The following CAST variants were observed in gnomAD, a reference collection of about 807,000 sequenced individuals.
The protein encoded by CAST is MIR583 host.
A neutral mutation model predicts 119.6 loss-of-function variants in CAST; 76 were observed. The observed-to-expected ratio is 0.64, with a 90% CI of 0.53 to 0.77. CAST has a LOEUF of 0.77. Ranked by LOEUF, CAST falls within the 30% of genes least tolerant of loss-of-function variation. CAST has a pLI of 0.00. For synonymous variants in CAST, 319 were observed against 331.6 expected (o/e 0.96, Z 0.41); for missense variants, 953 against 946.5 (o/e 1.01, Z -0.09).
At chr5:96,761,143 A>G (rs1400710624) in intron 24 of CAST, 3 of 152,218 alleles carry the variant, frequency 2.0e-5, no homozygotes, top group Admixed American at 6.5e-5. Context: ...ATTAAATAAC[A>G]TATGCACATA....
At chr5:96,307,575 T>C in the CAST span, among the ~76,000 whole-genome samples, 1 of 152,232 alleles carries the variant, frequency 6.6e-6, no homozygotes, top group Non-Finnish European at 1.5e-5. Context: ...GGCATGTTTG[T>C]GCAGTGGCTG....
the CAST span, among the ~76,000 whole-genome samples, chr5:96,066,929 G>A: frequency 3.3e-5 from 5 of 151,936 alleles, no homozygotes; most frequent in African/African-American, 1.2e-4. Flanking sequence ...GCCTCCCAAA[G>A]TGCTGGAATT....
chr5:95,993,194 G>A, the CAST span, among the ~76,000 whole-genome samples: 1 of 152,154 alleles, frequency 6.6e-6, no homozygotes, highest in South Asian at 2.1e-4. Flanking sequence ...TCTAACAAAT[G>A]ACACTAGAAC....
chr5:95,978,873 G>A, the CAST span, among the ~76,000 whole-genome samples: 351 of 152,242 alleles, frequency 2.3e-3, 2 homozygotes, highest in South Asian at 0.028. Flanking sequence ...AATTAATTGG[G>A]CATTTAAAGT....
At chr5:96,652,127 G>A (rs1301120531) in intron 1 of CAST, among the ~76,000 whole-genome samples, 1 of 152,184 alleles carries the variant, frequency 6.6e-6, no homozygotes, top group African/African-American at 2.4e-5. Context: ...TTTCACCAGA[G>A]CAGATCTTCC....
At chr5:96,286,717 AAT>A in the CAST span, among the ~76,000 whole-genome samples, 1 of 152,170 alleles carries the variant, frequency 6.6e-6, no homozygotes, top group South Asian at 2.1e-4. Flanking sequence ...ACATTGAGAT[AAT>A]AAAACCTGAA....
chr5:96,640,230 G>A (rs1369882762), intron 1 of CAST, among the ~76,000 whole-genome samples: 3 of 152,218 alleles, frequency 2.0e-5, no homozygotes, highest in African/African-American at 7.2e-5. Context: ...CAGGGACCTT[G>A]TGGTGCTTCT....
At chr5:96,385,903 A>G in the CAST span, among the ~76,000 whole-genome samples, 1 of 152,316 alleles carries the variant, frequency 6.6e-6, no homozygotes, top group East Asian at 1.9e-4. Flanking sequence ...TGTCTTGCTA[A>G]TATAAGGCAT....
At chr5:95,995,269 C>T in the CAST span, among the ~76,000 whole-genome samples, 7 of 152,220 alleles carry the variant, frequency 4.6e-5, no homozygotes, top group Admixed American at 1.3e-4. Flanking sequence ...GGTCTATCTG[C>T]TTAAACAAGC....
chr5:95,980,250 T>C, the CAST span: 1 of 152,206 alleles, frequency 6.6e-6, no homozygotes, highest in African/African-American at 2.4e-5. Flanking sequence ...ATACAAAGAA[T>C]TGGGAGATCT....
At chr5:96,553,088 C>T (rs964959992) in intron 1 of CAST, among the ~76,000 whole-genome samples, 5 of 152,248 alleles carry the variant, frequency 3.3e-5, no homozygotes, top group Admixed American at 2.6e-4. Flanking sequence ...AATACCAAAG[C>T]TTGGCAGAGA....
At chr5:96,739,919 C>T (rs999192535) in intron 11 of CAST, 119 bp from the exon 12 acceptor site, 9 of 609,822 alleles carry the variant, frequency 1.5e-5, no homozygotes, top group African/African-American at 5.8e-5. Context: ...AATGATTTAT[C>T]GTTCATCTCA....
the CAST span, among the ~76,000 whole-genome samples, chr5:96,330,147 T>C: frequency 6.6e-6 from 1 of 152,378 alleles, no homozygotes; most frequent in East Asian, 1.9e-4. Context: ...TATTGCATAG[T>C]TGAACCATAT....
At chr5:96,674,091 A>T (rs1750428262) in intron 1 of CAST, among the ~76,000 whole-genome samples, 1 of 152,224 alleles carries the variant, frequency 6.6e-6, no homozygotes, top group Admixed American at 6.5e-5. Flanking sequence ...ATCTGTTGAT[A>T]TGATTAAAGA....
intron 15 of CAST, chr5:96,742,089 G>A (rs566458492): frequency 6.4e-4 from 102 of 160,394 alleles, no homozygotes; most frequent in Non-Finnish European, 1.2e-3. Flanking sequence ...GTTTCTATCA[G>A]AGCAGCTTGT....
intron 2 of CAST, among the ~76,000 whole-genome samples, chr5:96,693,715 G>A (rs1231402085): frequency 1.3e-5 from 2 of 152,206 alleles, no homozygotes; most frequent in African/African-American, 2.4e-5. Flanking sequence ...CATTAAGGTT[G>A]TCAGAAGCTA....
the CAST span, among the ~76,000 whole-genome samples, chr5:95,972,069 C>T: frequency 1.3e-5 from 2 of 151,486 alleles, no homozygotes; most frequent in Admixed American, 1.3e-4. Flanking sequence ...AAGCCATTCT[C>T]ACATCTCAGC....
At chr5:96,231,228 C>T in the CAST span, among the ~76,000 whole-genome samples, 11 of 152,068 alleles carry the variant, frequency 7.2e-5, no homozygotes, top group South Asian at 1.5e-3. Context: ...TAGGAACAAC[C>T]GCAATGTTCA....
the CAST span, among the ~76,000 whole-genome samples, chr5:96,188,304 C>T: frequency 6.6e-6 from 1 of 152,138 alleles, no homozygotes; most frequent in Non-Finnish European, 1.5e-5. Context: ...GAGTTAAAAT[C>T]ATTTTTAATT....
Sources: allele counts gnomAD v4.1 joint callset (sites outside exome capture counted in the v4.1 genomes callset), GRCh38; gene constraint gnomAD v4.1.1; transcripts MANE v1.5; gene names NCBI Gene and HGNC (gene_info 2026-07-23, HGNC 2026-07-21).